SCN8A: variants seen among roughly 807,000 people sequenced by gnomAD.
SCN8A encodes sodium voltage-gated channel alpha subunit 8, also known as sodium channel protein type 8 subunit alpha.
In SCN8A, 30 loss-of-function variants were observed where a neutral mutation model predicts 184.1. The ratio of observed to expected loss-of-function variants is 0.16; its 90% confidence interval spans 0.12 to 0.22. SCN8A has a LOEUF of 0.22. Ranked by LOEUF, SCN8A falls within the 10% of genes least tolerant of loss-of-function variation. The probability of loss-of-function intolerance (pLI) is 1.00; values close to 1 mark genes in which losing one functional copy is unlikely to be tolerated. For synonymous variants in SCN8A, 852 were observed against 907.0 expected (o/e 0.94, Z 1.09); for missense variants, 1,057 against 2,498.9 (o/e 0.42, Z 12.30).
chr12:51,699,399 A>T (rs1461531809), intron 6 of SCN8A, among the ~76,000 whole-genome samples, 171 bp from the exon 7 acceptor site: 5 of 152,244 alleles, frequency 3.3e-5, no homozygotes, highest in Non-Finnish European at 5.9e-5. Context: ...ATACTTCTGG[A>T]ATATTGATAA....
At position 51,811,142 on chromosome 12, in the gene SCN8A, C is replaced by T. The variant is rs1938881286; in HGVS notation, c.*3713C>T. On this transcript the variant is annotated 3_prime_UTR_variant, in exon 27 of 27. Transcript: ENST00000627620. Reference sequence around the variant, plus strand: ...TTGGTGTGTTTGTTGCTTGACTATCCCAATTCTTGAGTCCTGGGAGGGGTC... The same window carrying T: ...TTGGTGTGTTTGTTGCTTGACTATCTCAATTCTTGAGTCCTGGGAGGGGTC... 6.6e-6 allele frequency: 1 copy of T among 152,086 alleles called. No individual in the cohort carries two copies. Among genetic ancestry groups the T allele is most frequent in the South Asian group, 2.1e-4 (1 of 4,810 alleles). 9.4% of individuals were successfully genotyped at this position (152,086 alleles called of 1,614,324 possible). A position where few individuals can be genotyped will look rare whatever the true frequency, so the allele number is the denominator to read the frequency against.
chr12:51,631,475 G>A (rs1023103111), intron 1 of SCN8A, among the ~76,000 whole-genome samples: 7 of 152,206 alleles, frequency 4.6e-5, no homozygotes, highest in African/African-American at 1.7e-4. Flanking sequence ...CAACTGTCCT[G>A]TCTGTGCTCT....
At chr12:51,763,522 G>A (rs1037222240) in intron 15 of SCN8A, among the ~76,000 whole-genome samples, 3 of 152,280 alleles carry the variant, frequency 2.0e-5, no homozygotes, top group African/African-American at 4.8e-5. Context: ...AAGTCAAGGA[G>A]CATCTGTATT....
At chr12:51,652,087 C>G (rs1414872657) in intron 1 of SCN8A, among the ~76,000 whole-genome samples, 3 of 151,868 alleles carry the variant, frequency 2.0e-5, no homozygotes, top group Non-Finnish European at 4.4e-5. Context: ...TATGATGCCT[C>G]CATTTGGAGG....
At chr12:51,624,686 C>T (rs1592336215) in intron 1 of SCN8A, among the ~76,000 whole-genome samples, 2 of 152,046 alleles carry the variant, frequency 1.3e-5, no homozygotes. Context: ...AAGTCCTTGC[C>T]CATGCCTATG....
chr12:51,753,494 G>A (rs1468156550), intron 14 of SCN8A, among the ~76,000 whole-genome samples: 1 of 152,220 alleles, frequency 6.6e-6, no homozygotes, highest in East Asian at 1.9e-4. Context: ...GCCAAATAAG[G>A]AAGTTGGGTA....
rs527463993 is a variant in SCN8A at position 51,778,525 on chromosome 12, G to A, written c.3820-2124G>A. Among the ~76,000 whole-genome samples, 380 of 152,184 alleles carry A rather than the reference G, an allele frequency of 2.5e-3. 3 individuals are homozygous for A. The highest frequency in any genetic ancestry group is 8.9e-3 in the African/African-American group (370 of 41,502). ...GCTGGTCTCGAACTTCTGACCTCAGGTGATCCACCCACCTCGGCCACAACA... is the reference window on the plus strand; with the variant it reads ...GCTGGTCTCGAACTTCTGACCTCAGATGATCCACCCACCTCGGCCACAACA... On this transcript the variant is annotated intron_variant, in intron 20 of 26. Transcript: ENST00000627620.
chr12:51,701,055 C>T (rs1941679134), intron 7 of SCN8A, 89 bp from the exon 8 acceptor site: 1 of 816,918 alleles, frequency 1.2e-6, no homozygotes, highest in East Asian at 2.5e-5. Context: ...CAATAACTTT[C>T]TGCTGGGGCT....
intron 1 of SCN8A, among the ~76,000 whole-genome samples, chr12:51,591,721 G>T (rs959887115): frequency 1.3e-5 from 2 of 152,068 alleles, no homozygotes; most frequent in African/African-American, 4.8e-5. Flanking sequence ...GGGCAGAGTT[G>T]GGGCCCCTAG....
intron 1 of SCN8A, among the ~76,000 whole-genome samples, chr12:51,650,956 C>T (rs1358793932): frequency 6.6e-6 from 1 of 152,172 alleles, no homozygotes; most frequent in African/African-American, 2.4e-5. Context: ...ATTAAATTAA[C>T]TAAAAGTATC....
intron 25 of SCN8A, among the ~76,000 whole-genome samples, chr12:51,792,001 G>A (rs1051887956): frequency 6.6e-6 from 1 of 152,192 alleles, no homozygotes; most frequent in African/African-American, 2.4e-5. Flanking sequence ...ATTATGTGAT[G>A]AACAAAAGGT....
At chr12:51,673,944 T>G (rs1236862145) in intron 2 of SCN8A, among the ~76,000 whole-genome samples, 4 of 152,046 alleles carry the variant, frequency 2.6e-5, no homozygotes, top group Non-Finnish European at 5.9e-5. Context: ...CTTTAAATAT[T>G]AAAGTATGGT....
At position 51,796,602 on chromosome 12, in the gene SCN8A, A is replaced by G. The variant is rs147240958; in HGVS notation, c.4795+1961A>G. On this transcript the variant is annotated intron_variant, in intron 26 of 26. Transcript: ENST00000627620. The stretch of plus-strand genomic sequence containing the variant: ...ACTAATAGGATAGATGTATATATGA[A>G]AGGGAGTGTATTAAGGAGAACTGAC... Among the ~76,000 whole-genome samples the G allele has an allele frequency of 9.9e-3, 1,510 of 152,290 alleles. 23 individuals are homozygous for G. Among genetic ancestry groups the G allele is most frequent in the African/African-American group, 0.035 (1,447 of 41,558 alleles).
chr12:51,775,722 G>A (rs1379945029), intron 20 of SCN8A, among the ~76,000 whole-genome samples: 1 of 152,178 alleles, frequency 6.6e-6, no homozygotes, highest in Non-Finnish European at 1.5e-5. Context: ...TCTGGAGAAA[G>A]GGCAAGTGCC....
intron 11 of SCN8A, among the ~76,000 whole-genome samples, chr12:51,709,848 G>GA: frequency 6.6e-6 from 1 of 152,130 alleles, no homozygotes; most frequent in East Asian, 1.9e-4. Flanking sequence ...CTTGTTCCCT[G>GA]AAACCTTAAG....
chr12:51,607,975 T>C (rs58859805), intron 1 of SCN8A, among the ~76,000 whole-genome samples: 2,533 of 152,028 alleles, frequency 0.017, 72 homozygotes, highest in African/African-American at 0.055. Context: ...TCTTTCTCTG[T>C]CTTGAGGAAT....
intron 9 of SCN8A, among the ~76,000 whole-genome samples, chr12:51,704,801 C>T (rs1402437798): frequency 1.3e-5 from 2 of 151,378 alleles, no homozygotes; most frequent in African/African-American, 2.4e-5. Flanking sequence ...AGTGAAACCC[C>T]GTCTCTACTA....
At chr12:51,702,943 T>C (rs1403812075) in intron 9 of SCN8A, 29 bp downstream of exon 9, 2 of 1,562,730 alleles carry the variant, frequency 1.3e-6, no homozygotes, top group Non-Finnish European at 1.7e-6. Context: ...CCTTTGGCCA[T>C]AGAGTTTGCA....
chr12:51,667,465 ATC>A lies in SCN8A; in HGVS notation c.276+4376_276+4377del, dbSNP rs374818280. Among the ~76,000 whole-genome samples, 37 of 152,072 alleles carry A rather than the reference ATC, an allele frequency of 2.4e-4. 1 individual carries two copies. The East Asian group carries it at 7.1e-3, about 29-fold the overall frequency. ...AGCCTCAACCTCCTGGGCAACCTCC[ATC>A]TCTGTCTCCCAAGTAGCTAGGATCA... is the stretch of plus-strand genomic sequence containing the variant. On this transcript the variant is annotated intron_variant, in intron 2 of 26. Coordinates refer to ENST00000627620, the MANE Select transcript of SCN8A (RefSeq NM_001330260.2).
Sources: gnomAD v4.1 joint callset for allele counts (sites outside exome capture counted in the v4.1 genomes callset) on GRCh38, gnomAD v4.1.1 for gene constraint, MANE v1.5 for transcripts, NCBI Gene and HGNC (gene_info 2026-07-23, HGNC 2026-07-21) for gene names.